The following COL27A1 variants were observed in gnomAD, a reference collection of about 807,000 sequenced individuals.
COL27A1 encodes collagen alpha-1(XXVII) chain.
A neutral mutation model predicts 251.3 loss-of-function variants in COL27A1; 106 were observed. The ratio of observed to expected loss-of-function variants is 0.42; its 90% CI spans 0.36 to 0.50. The LOEUF (loss-of-function observed/expected upper bound fraction) is 0.50, where lower values mean the gene tolerates loss of function less well. Among genes scored for constraint, COL27A1 ranks in the 20% least tolerant of loss-of-function variants. The pLI is 0.00. For synonymous variants in COL27A1, 1,000 were observed against 986.3 expected, an observed-to-expected ratio of 1.01 and a Z score of -0.26; for missense variants, 2,325 against 2,522.8, an observed-to-expected ratio of 0.92 and a Z score of 1.68.
chr9:114,205,181 T>C (rs769877960), intron 8 of COL27A1, 35 bp downstream of exon 8: 1 of 1,598,038 alleles, frequency 6.3e-7, no homozygotes. Flanking sequence ...CCCTGGTCGC[T>C]CTCCCTCCTC....
rs561933395 is a variant in COL27A1 at position 114,288,509 on chromosome 9, C to A, written c.4042C>A (p.Arg1348=). ...GGGGCCCCCTGGGCCACCTGGAGATCGGGTAAGCCCCCTCCCTCCCCTGGA... is the reference window on the plus strand; with the variant it reads ...GGGGCCCCCTGGGCCACCTGGAGATAGGGTAAGCCCCCTCCCTCCCCTGGA... ...AEGPPGPPGD[R]GPVGDRGDRG... The change falls in exon 42 of 61, where the codon CGG becomes AGG. Residue 1348 remains arginine (R), a splice_region_variant and synonymous_variant. Coordinates refer to ENST00000356083, the MANE Select transcript of COL27A1 (RefSeq NM_032888.4). 8.7e-6 allele frequency: 14 copies of A among 1,604,210 alleles called. No individual in the cohort carries two copies. The highest frequency in any genetic ancestry group is 1.2e-5 in the Non-Finnish European group (14 of 1,176,514).
intron 60 of COL27A1, 84 bp downstream of exon 60, chr9:114,309,562 G>A: frequency 3.1e-6 from 3 of 977,448 alleles, no homozygotes; most frequent in South Asian, 1.6e-5. Context: ...TCTATTATAA[G>A]ATTATATCTA....
chr9:114,274,615 T>C (rs1010428462), intron 36 of COL27A1, among the ~76,000 whole-genome samples: 4 of 152,152 alleles, frequency 2.6e-5, no homozygotes, highest in African/African-American at 9.7e-5. Context: ...ATAAGAATGA[T>C]CGCCATGCAG....
At chr9:114,201,519 G>C (rs557937201) in intron 7 of COL27A1, among the ~76,000 whole-genome samples, 1 of 152,156 alleles carries the variant, frequency 6.6e-6, no homozygotes. Context: ...GGGTGTTCAC[G>C]GCAATGTTCA....
intron 5 of COL27A1, among the ~76,000 whole-genome samples, chr9:114,193,456 C>G (rs1250016216): frequency 6.6e-6 from 1 of 152,106 alleles, no homozygotes; most frequent in African/African-American, 2.4e-5. Context: ...GTCAGTTTCT[C>G]CTCAAGTTAC....
At chr9:114,183,573 G>C (rs1828106525) in intron 5 of COL27A1, among the ~76,000 whole-genome samples, 1 of 152,132 alleles carries the variant, frequency 6.6e-6, no homozygotes, top group Admixed American at 6.5e-5. Context: ...GGAGGAGGTA[G>C]GGTGGAAAGG....
chr9:114,278,104 C>G (rs1835616681), intron 37 of COL27A1, among the ~76,000 whole-genome samples: 2 of 151,838 alleles, frequency 1.3e-5, no homozygotes, highest in African/African-American at 4.8e-5. Flanking sequence ...AGAAGATTGT[C>G]TTTATAAATT....
chr9:114,258,789 C>G (rs1162568421), intron 28 of COL27A1, among the ~76,000 whole-genome samples, 195 bp downstream of exon 28: 1 of 152,230 alleles, frequency 6.6e-6, no homozygotes, highest in Non-Finnish European at 1.5e-5. Context: ...CTTTCCAACT[C>G]ATTTCTCAGC....
At chr9:114,212,654 G>A (rs527398852) in intron 12 of COL27A1, among the ~76,000 whole-genome samples, 1 of 152,344 alleles carries the variant, frequency 6.6e-6, no homozygotes, top group South Asian at 2.1e-4. Flanking sequence ...GCCTTTCCAG[G>A]CAAAGGCCCT....
At chr9:114,307,637 C>T in intron 58 of COL27A1, 32 bp from the exon 59 acceptor site, 6 of 1,449,380 alleles carry the variant, frequency 4.1e-6, no homozygotes, top group Non-Finnish European at 5.8e-6. Flanking sequence ...CCCCCAGATA[C>T]ATACATCACC....
intron 54 of COL27A1, 27 bp from the exon 55 acceptor site, chr9:114,301,655 C>T (rs759136471): frequency 1.3e-6 from 2 of 1,595,010 alleles, no homozygotes; most frequent in African/African-American, 1.3e-5. Context: ...TGGACCAGGG[C>T]TCACTCTTCT....
intron 45 of COL27A1, 141 bp downstream of exon 45, chr9:114,289,436 G>C: frequency 1.4e-6 from 1 of 724,888 alleles, no homozygotes; most frequent in African/African-American, 1.8e-5. Context: ...AGCCCGGCAG[G>C]CTGCTTCTGG....
chr9:114,301,245 C>A (rs1025709437), intron 52 of COL27A1, 39 bp from the exon 53 acceptor site: 4 of 1,610,794 alleles, frequency 2.5e-6, no homozygotes. Context: ...TGGGGCTTCA[C>A]CTCTGGGCCC....
At chr9:114,258,667 A>C in intron 28 of COL27A1, 73 bp downstream of exon 28, 27 of 1,484,918 alleles carry the variant, frequency 1.8e-5, no homozygotes, top group Non-Finnish European at 2.4e-5. Context: ...CATCTGCCAG[A>C]GACTGCCTGG....
At chr9:114,173,103 C>A (rs1175262791) in intron 3 of COL27A1, among the ~76,000 whole-genome samples, 1 of 152,186 alleles carries the variant, frequency 6.6e-6, no homozygotes, top group Non-Finnish European at 1.5e-5. Flanking sequence ...TCTGTGGGAG[C>A]CCCAGGAGGG....
chr9:114,169,346 C>T lies in COL27A1; in HGVS notation c.1791C>T (p.Phe597=), dbSNP rs1231410400. ...TPALVLAPAQ[F]LSSSPRPTSS... ...CCCTGGTATTGGCCCCGGCGCAATT[C>T]CTGTCCTCCAGCCCCCGGCCCACGA... Residue 597 remains phenylalanine (F), a synonymous_variant, in exon 3 of 61, where the codon TTC becomes TTT. Coordinates refer to ENST00000356083, the MANE Select transcript of COL27A1 (RefSeq NM_032888.4). 6.2e-7 allele frequency: 1 copy of T among 1,612,758 alleles called. No homozygotes were observed.
intron 41 of COL27A1, among the ~76,000 whole-genome samples, chr9:114,285,444 G>A (rs536433014): frequency 1.3e-5 from 2 of 152,232 alleles, no homozygotes; most frequent in East Asian, 1.9e-4. Flanking sequence ...CAGAACCCAC[G>A]TGTCTAAGTC....
intron 37 of COL27A1, among the ~76,000 whole-genome samples, chr9:114,276,526 A>G (rs1835519071): frequency 6.6e-6 from 1 of 152,122 alleles, no homozygotes; most frequent in Non-Finnish European, 1.5e-5. Context: ...AATCACTTGA[A>G]CCTGGGAGGC....
chr9:114,279,714 G>A (rs868254757), intron 37 of COL27A1, among the ~76,000 whole-genome samples: 30 of 152,200 alleles, frequency 2.0e-4, no homozygotes, highest in African/African-American at 5.8e-4. Flanking sequence ...TTAGCTGGGC[G>A]TGGTGGTGCA....
Sources: gnomAD v4.1 joint callset for allele counts (sites outside exome capture counted in the v4.1 genomes callset) on GRCh38, gnomAD v4.1.1 for gene constraint, MANE v1.5 for transcripts, NCBI Gene and HGNC (gene_info 2026-07-23, HGNC 2026-07-21) for gene names.